JAML: variants seen among roughly 807,000 people sequenced by gnomAD.
JAML encodes junction adhesion molecule like.
JAML carries 25 observed loss-of-function variants against 39.3 expected under a neutral mutation model. That is an observed-to-expected ratio of 0.64 (90% confidence interval 0.46 to 0.89). The LOEUF (loss-of-function observed/expected upper bound fraction) is 0.89. JAML is among the 40% of genes least tolerant of loss of function. The probability of loss-of-function intolerance (pLI) is 0.00; values close to 1 mark genes in which losing one functional copy is unlikely to be tolerated. For missense variants in JAML, 440 were observed against 486.9 expected, an observed-to-expected ratio of 0.90 and a Z score of 0.91; for synonymous variants, 162 against 179.2, an observed-to-expected ratio of 0.90 and a Z score of 0.77.
At chr11:118,223,954 T>G (rs902177439) in intron 1 of JAML, 1 of 152,180 alleles carries the variant, frequency 6.6e-6, no homozygotes, top group Non-Finnish European at 1.5e-5. Flanking sequence ...TAAGGACAAC[T>G]AACCACTGAG....
chr11:118,223,271 G>A lies in JAML; in HGVS notation c.-21+1670C>T, dbSNP rs575521801. 2.0e-5 allele frequency among the ~76,000 whole-genome samples: 3 copies of A among 152,194 alleles called. No individual in the cohort carries two copies. In the East Asian group the frequency reaches 5.8e-4, roughly 29 times the overall value. ...TCGAACACTGAAATAAAAGCACACTGATGTAGGGCCAGAATCCGGGCCCAT... is the reference window on the plus strand; with the variant it reads ...TCGAACACTGAAATAAAAGCACACTAATGTAGGGCCAGAATCCGGGCCCAT... On this transcript the variant is annotated intron_variant, in intron 1 of 9. Transcript: ENST00000356289.
At chr11:118,220,930 G>A (rs1011117036) in intron 1 of JAML, among the ~76,000 whole-genome samples, 2 of 152,208 alleles carry the variant, frequency 1.3e-5, no homozygotes, top group African/African-American at 4.8e-5. Flanking sequence ...AATGAAGTGG[G>A]CTCTCTGCCC....
At chr11:118,224,544 T>G (rs753273858) in intron 1 of JAML, among the ~76,000 whole-genome samples, 5 of 152,110 alleles carry the variant, frequency 3.3e-5, no homozygotes, top group African/African-American at 1.2e-4. Context: ...ACAATAAAAT[T>G]TGTTTAAAAA....
At chr11:118,212,650 C>A (rs1949086121) in intron 2 of JAML, 89 bp from the exon 3 acceptor site, 3 of 1,538,986 alleles carry the variant, frequency 1.9e-6, no homozygotes, top group Admixed American at 2.0e-5. Flanking sequence ...ACTAAACACC[C>A]CTCTCCCTGG....
chr11:118,211,778 C>T (rs1343750789), intron 3 of JAML, among the ~76,000 whole-genome samples: 1 of 152,134 alleles, frequency 6.6e-6, no homozygotes, highest in African/African-American at 2.4e-5. Context: ...TCTGATGAGG[C>T]TTAATACACT....
intron 4 of JAML, 85 bp downstream of exon 4, chr11:118,210,402 A>G (rs1591474831): frequency 7.4e-7 from 1 of 1,345,552 alleles, no homozygotes; most frequent in South Asian, 1.3e-5. Flanking sequence ...AAAGGCTGGC[A>G]TTTACTCAAG....
intron 2 of JAML, chr11:118,213,008 C>A: frequency 1.2e-6 from 2 of 1,611,786 alleles, no homozygotes; most frequent in South Asian, 1.1e-5. Flanking sequence ...TTTTCCCTTT[C>A]TTTTAGTTCC....
chr11:118,214,621 A>G (rs1949116591), intron 2 of JAML, among the ~76,000 whole-genome samples: 1 of 152,206 alleles, frequency 6.6e-6, no homozygotes, highest in Non-Finnish European at 1.5e-5. Context: ...TTTCTAATGG[A>G]AACAGGAAGC....
intron 7 of JAML, among the ~76,000 whole-genome samples, chr11:118,200,082 A>G (rs1261240207): frequency 6.6e-6 from 1 of 152,168 alleles, no homozygotes; most frequent in African/African-American, 2.4e-5. Context: ...GGTCTTTTAG[A>G]TAAAACCACT....
At chr11:118,210,430 C>G in intron 4 of JAML, 57 bp downstream of exon 4, 2 of 1,564,378 alleles carry the variant, frequency 1.3e-6, no homozygotes, top group Admixed American at 1.7e-5. Context: ...GTTTCCTTGC[C>G]TCTTGCACAT....
intron 7 of JAML, among the ~76,000 whole-genome samples, chr11:118,198,524 G>A (rs754593775): frequency 3.3e-5 from 5 of 152,076 alleles, no homozygotes; most frequent in African/African-American, 7.2e-5. Context: ...CTTTCCGGGG[G>A]GCGGAGCAGA....
rs1949080841 is a variant in JAML at position 118,212,414 on chromosome 11, T to A, written c.191A>T (p.His64Leu). Reference protein sequence around the residue: ...KIDWTLSPGEHAKDEYVLYYY... With the variant: ...KIDWTLSPGELAKDEYVLYYY... Reference sequence around the variant, plus strand: ...ATGTTTCCCCCGCGTTACCTTGGCGTGCTCTCCTGGTGACAGAGTCCAGTC... The same window carrying A: ...ATGTTTCCCCCGCGTTACCTTGGCGAGCTCTCCTGGTGACAGAGTCCAGTC... Residue 64 changes from histidine (H) to leucine (L), a missense_variant, in exon 3 of 10, where the codon CAC (histidine) becomes CTC (leucine). By Grantham distance (99) the His-to-Leu change is moderately conservative (BLOSUM62 -3). Coordinates refer to ENST00000356289, the MANE Select transcript of JAML (RefSeq NM_001098526.2). 2 of 1,614,002 alleles carry A rather than the reference T, an allele frequency of 1.2e-6. No individual in the cohort carries two copies. The highest frequency in any genetic ancestry group is 2.7e-5 in the African/African-American group (2 of 75,020).
In JAML at chr11:118,198,014, T is replaced by G. The variant is rs1285223058; in HGVS notation, c.989A>C (p.Glu330Ala). Residue 330 changes from glutamate to alanine, a missense_variant, in exon 8 of 10, where the codon GAA becomes GCA. Physicochemically the swap from Glu to Ala is moderately radical, Grantham distance 107. Transcript: ENST00000356289. ...TGTGTTCACCTCCCCTTCACATCTTTCAAAATGGCAGGGTTTTTCTTTTAT... is the reference window on the plus strand; with the variant it reads ...TGTGTTCACCTCCCCTTCACATCTTGCAAAATGGCAGGGTTTTTCTTTTAT... ...PEIKEKPCHF[E>A]RCEGEKHIYS... 6.2e-7 allele frequency: 1 copy of G among 1,614,012 alleles called. No individual in the cohort carries two copies. Among genetic ancestry groups the G allele is most frequent in the Non-Finnish European group, 8.5e-7 (1 of 1,179,950 alleles).
chr11:118,205,406 G>A (rs1028239306), intron 5 of JAML: 7 of 156,670 alleles, frequency 4.5e-5, no homozygotes, highest in East Asian at 1.9e-4. Context: ...ATCCCAACAC[G>A]TGAAGTACCC....
chr11:118,214,797 C>T, intron 2 of JAML, 27 bp downstream of exon 2: 1 of 1,611,364 alleles, frequency 6.2e-7, no homozygotes, highest in Non-Finnish European at 8.5e-7. Context: ...ATCAAATACC[C>T]CACGGAGTCC....
At chr11:118,200,945 T>A in intron 6 of JAML, 1 of 219,054 alleles carries the variant, frequency 4.6e-6, no homozygotes. Context: ...CTGCTGATCT[T>A]CCTTAGGGCA....
At position 118,200,708 on chromosome 11, in the gene JAML, G is replaced by C. The variant is rs1014760516; in HGVS notation, c.773-96C>G. Reference sequence around the variant, plus strand: ...TACCAAGTAGCACCAGCCAGGCCACGAAGCGGAGGGGAAGGCCAGACTCCA... The same window carrying C: ...TACCAAGTAGCACCAGCCAGGCCACCAAGCGGAGGGGAAGGCCAGACTCCA... On this transcript the variant is annotated intron_variant, in intron 6 of 9. Transcript: ENST00000356289. The C allele has an allele frequency of 1.3e-5, 18 of 1,433,458 alleles. No homozygotes were observed. The East Asian group carries it at 4.1e-4, about 33-fold the overall frequency. The allele number at this position is 1,433,458 out of a possible 1,614,324, so 88.8% of individuals were successfully genotyped here. A position where few individuals can be genotyped will look rare whatever the true frequency, so the allele number is the denominator to read the frequency against.
At chr11:118,219,793 T>A (rs926200434) in intron 1 of JAML, among the ~76,000 whole-genome samples, 2 of 152,228 alleles carry the variant, frequency 1.3e-5, no homozygotes, top group African/African-American at 4.8e-5. Flanking sequence ...CCAACTCCAC[T>A]ATCTCAGTGA....
chr11:118,202,851 C>T (rs1591465217), intron 6 of JAML: 3 of 421,762 alleles, frequency 7.1e-6, no homozygotes, highest in Non-Finnish European at 1.4e-5. Flanking sequence ...TAACTTTAAC[C>T]CCTCACTTAT....
Sources: gnomAD v4.1 joint callset for allele counts (sites outside exome capture counted in the v4.1 genomes callset) on GRCh38, gnomAD v4.1.1 for gene constraint, MANE v1.5 for transcripts, NCBI Gene and HGNC (gene_info 2026-07-23, HGNC 2026-07-21) for gene names.